The following ATXN2 variants were observed in gnomAD, a reference collection of about 807,000 sequenced individuals.
The protein encoded by ATXN2 is ataxin-2.
Under a neutral mutation model 138.6 loss-of-function variants are expected in ATXN2, and 37 were observed. That is an observed-to-expected ratio of 0.27 (90% CI 0.21 to 0.35). ATXN2 has a LOEUF of 0.35. Among genes scored for constraint, ATXN2 ranks in the 10% least tolerant of loss-of-function variants. The pLI, the probability that ATXN2 is intolerant of heterozygous loss-of-function variation, is 1.00. For synonymous variants in ATXN2, 549 were observed against 543.7 expected (o/e 1.01, Z -0.13); for missense variants, 1,216 against 1,480.3 (o/e 0.82, Z 2.93).
At chr12:111,551,811 T>A (rs192469808) in intron 5 of ATXN2, among the ~76,000 whole-genome samples, 242 of 152,310 alleles carry the variant, frequency 1.6e-3, no homozygotes, top group African/African-American at 5.7e-3. Flanking sequence ...CCAACAAAAA[T>A]GCATTAACAT....
chr12:111,468,746 G>A (rs1876209781), intron 20 of ATXN2: 3 of 136,520 alleles, frequency 2.2e-5, no homozygotes, highest in Admixed American at 1.6e-4. Flanking sequence ...TGTCGCTCAG[G>A]CTAGAGTGTA....
Position 111,561,377 on chromosome 12 carries a change from C to T in ATXN2, c.252-5458G>A, listed in dbSNP as rs538758591. Among the ~76,000 whole-genome samples the T allele has an allele frequency of 3.3e-5, 5 of 151,594 alleles. No homozygotes were observed. The East Asian group carries it at 9.7e-4, about 29-fold the overall frequency. Reference sequence around the variant, plus strand: ...GGCATGGTGGCAGGCGCCTATAATCCCAACTATTCAGGAGGAGGTGGCTGA... The same window carrying T: ...GGCATGGTGGCAGGCGCCTATAATCTCAACTATTCAGGAGGAGGTGGCTGA... On this transcript the variant is annotated intron_variant, in intron 1 of 24. Coordinates refer to ENST00000673436, the MANE Select transcript of ATXN2 (RefSeq NM_001372574.1).
At chr12:111,565,546 T>TTACCCTGATTTCTTTTTAC (rs1566067631) in intron 1 of ATXN2, among the ~76,000 whole-genome samples, 4 of 152,012 alleles carry the variant, frequency 2.6e-5, no homozygotes, top group African/African-American at 9.7e-5. Flanking sequence ...TAATCGTTGA[T>TTACCCTGATTTCTTTTTAC]GTTACCCTGA....
At chr12:111,545,234 GAAAGATTAACT>G (rs750848136) in intron 5 of ATXN2, among the ~76,000 whole-genome samples, 4 of 151,990 alleles carry the variant, frequency 2.6e-5, no homozygotes, top group Non-Finnish European at 5.9e-5. Flanking sequence ...ATGCTAAAGG[GAAAGATTAACT>G]AGAAAGGCAG....
chr12:111,566,601 A>C (rs970301342), intron 1 of ATXN2, among the ~76,000 whole-genome samples: 1 of 151,666 alleles, frequency 6.6e-6, no homozygotes, highest in African/African-American at 2.4e-5. Context: ...AGGTTAAAAC[A>C]TCAACATTAA....
intron 14 of ATXN2, among the ~76,000 whole-genome samples, chr12:111,490,521 T>TA (rs2135704811): frequency 6.6e-6 from 1 of 151,850 alleles, no homozygotes; most frequent in African/African-American, 2.4e-5. Flanking sequence ...AACCCCTAAG[T>TA]AAAAAAAGGA....
chr12:111,514,007 G>T (rs1879714515), intron 10 of ATXN2, among the ~76,000 whole-genome samples: 1 of 151,774 alleles, frequency 6.6e-6, no homozygotes, highest in Non-Finnish European at 1.5e-5. Context: ...AATTTAAACA[G>T]AAGACTATTA....
intron 20 of ATXN2, 104 bp from the exon 21 acceptor site, chr12:111,464,819 T>C: frequency 1.2e-6 from 1 of 852,254 alleles, no homozygotes; most frequent in South Asian, 1.5e-5. Flanking sequence ...TATTCATGCA[T>C]AATTCATTTT....
chr12:111,499,190 G>T (rs1566026132), intron 14 of ATXN2, among the ~76,000 whole-genome samples: 1 of 152,134 alleles, frequency 6.6e-6, no homozygotes, highest in Non-Finnish European at 1.5e-5. Context: ...AGCAAAGATG[G>T]ACAAATGGGA....
chr12:111,518,534 T>C (rs1052276644), intron 8 of ATXN2, 107 bp from the exon 9 acceptor site: 1 of 1,241,450 alleles, frequency 8.1e-7, no homozygotes. Flanking sequence ...ACAAAAAGGT[T>C]CTACACTAAA....
chr12:111,557,924 C>A (rs574062214), intron 1 of ATXN2, among the ~76,000 whole-genome samples: 2 of 152,188 alleles, frequency 1.3e-5, no homozygotes, highest in Non-Finnish European at 2.9e-5. Flanking sequence ...ACAAATGCCA[C>A]GAACTGTCCT....
At chr12:111,498,737 C>A (rs941604612) in intron 14 of ATXN2, among the ~76,000 whole-genome samples, 14 of 152,014 alleles carry the variant, frequency 9.2e-5, no homozygotes, top group African/African-American at 3.4e-4. Flanking sequence ...TAGGGAACCA[C>A]AAAAGGCCCA....
At chr12:111,476,446 C>A (rs1876818658) in intron 18 of ATXN2, among the ~76,000 whole-genome samples, 1 of 151,304 alleles carries the variant, frequency 6.6e-6, no homozygotes, top group Non-Finnish European at 1.5e-5. Flanking sequence ...CAGTAATGCA[C>A]CAGTACAATA....
At chr12:111,530,942 A>C (rs922528792) in intron 5 of ATXN2, among the ~76,000 whole-genome samples, 1 of 151,188 alleles carries the variant, frequency 6.6e-6, no homozygotes, top group South Asian at 2.1e-4. Context: ...CCTGACCAAC[A>C]TGGAGAAACC....
Position 111,455,172 on chromosome 12 carries a change from CAG to C in ATXN2, c.3270+855_3270+856del. Reference sequence around the variant, plus strand: ...TGGCAGGTCTCACTTAGACCCGCCTCAGAGAGTTCTGTTATGAAAGTAGCAGA... The same window carrying C: ...TGGCAGGTCTCACTTAGACCCGCCTCAGAGTTCTGTTATGAAAGTAGCAGA... On this transcript the variant is annotated intron_variant, in intron 23 of 24. Transcript: ENST00000673436. 6 of 701,586 alleles carry C rather than the reference CAG, an allele frequency of 8.6e-6. No homozygotes were observed. The South Asian group carries it at 8.9e-5, about 10-fold the overall frequency. The allele number at this position is 701,586 out of a possible 1,614,324, so 43.5% of individuals were successfully genotyped here.
chr12:111,568,397 T>A (rs1006364751), intron 1 of ATXN2, among the ~76,000 whole-genome samples: 4 of 152,244 alleles, frequency 2.6e-5, no homozygotes, highest in Admixed American at 2.6e-4. Context: ...ATCACCATTT[T>A]TCAACACTCC....
At chr12:111,503,620 G>A (rs1467098464) in intron 14 of ATXN2, among the ~76,000 whole-genome samples, 4 of 136,348 alleles carry the variant, frequency 2.9e-5, no homozygotes, top group Non-Finnish European at 4.7e-5. Context: ...TTTTTTCTTT[G>A]AGACAGATTC....
intron 1 of ATXN2, among the ~76,000 whole-genome samples, chr12:111,587,602 G>A (rs890412117): frequency 6.6e-6 from 1 of 151,902 alleles, no homozygotes; most frequent in Non-Finnish European, 1.5e-5. Flanking sequence ...GCTGCAGTGA[G>A]CCATGACCAT....
Position 111,588,991 on chromosome 12 carries a change from CAAAAAA to C in ATXN2, c.251+9787_251+9792del, listed in dbSNP as rs58116265. Among the ~76,000 whole-genome samples the C allele has an allele frequency of 8.5e-4, 33 of 38,702 alleles. No individual in the cohort carries two copies. The South Asian group carries it at 0.012, about 14-fold the overall frequency. 25.4% of individuals were successfully genotyped at this position (38,702 alleles called of 152,430 possible). Reference sequence around the variant, plus strand: ...GCCTGGGCGACAGAGCGAGATTTCTCAAAAAAAAAAAAAAAAAAAAAAAAAAAAAAA... The same window carrying C: ...GCCTGGGCGACAGAGCGAGATTTCTCAAAAAAAAAAAAAAAAAAAAAAAAA... On this transcript the variant is annotated intron_variant, in intron 1 of 24. Transcript: ENST00000673436.
Sources: gnomAD v4.1 joint callset for allele counts (sites outside exome capture counted in the v4.1 genomes callset) on GRCh38, gnomAD v4.1.1 for gene constraint, MANE v1.5 for transcripts, NCBI Gene and HGNC (gene_info 2026-07-23, HGNC 2026-07-21) for gene names.